Variants in POLD1 observed in about 807,000 individuals in gnomAD.
The protein encoded by POLD1 is DNA polymerase delta catalytic subunit.
In POLD1, 79 loss-of-function variants were observed where a neutral mutation model predicts 129.7. The ratio of observed to expected loss-of-function variants is 0.61; its 90% CI spans 0.51 to 0.73. The LOEUF is 0.73. Ranked by LOEUF, POLD1 falls within the 30% of genes least tolerant of loss-of-function variation. The pLI, the probability that POLD1 is intolerant of heterozygous loss-of-function variation, is 0.00. For missense variants in POLD1, 1,338 were observed against 1,595.8 expected, an observed-to-expected ratio of 0.84 and a Z score of 2.75; for synonymous variants, 714 against 683.3, an observed-to-expected ratio of 1.04 and a Z score of -0.70.
chr19:50,417,628 C>T (rs2039362249), intron 26 of POLD1, among the ~76,000 whole-genome samples: 2 of 151,772 alleles, frequency 1.3e-5, no homozygotes, highest in Admixed American at 1.3e-4. Flanking sequence ...GATATACGGC[C>T]AGCCATGGCC....
intron 3 of POLD1, 25 bp from the exon 4 acceptor site, chr19:50,401,753 G>T (rs149385400): frequency 1.9e-6 from 3 of 1,609,516 alleles, no homozygotes; most frequent in South Asian, 1.1e-5. Context: ...AGGCATGGCC[G>T]CTGTCTTACC....
rs765969481 is a variant in POLD1, at chr19:50,398,940, G to A, written c.89G>A (p.Arg30Gln). 10 of 1,593,008 alleles carry A rather than the reference G, an allele frequency of 6.3e-6. No individual in the cohort carries two copies. Among genetic ancestry groups the A allele is most frequent in the African/African-American group, 5.4e-5 (4 of 74,690 alleles). The change falls in exon 2 of 27, where the codon CGG becomes CAG. Residue 30 changes from arginine to glutamine, a missense_variant. This residue lies in a region of POLD1 where 332 missense variants were observed against 315.7 expected (regional missense o/e 1.05). Coordinates refer to ENST00000440232, the MANE Select transcript of POLD1 (RefSeq NM_002691.4). ...GGLWDDDDAP[R>Q]PSQFEEDLAL... ...CTCTGGGATGATGATGATGCACCTCGGCCATCCCAATTCGAGGAGGACCTG... is the reference window on the plus strand; with the variant it reads ...CTCTGGGATGATGATGATGCACCTCAGCCATCCCAATTCGAGGAGGACCTG...
intron 9 of POLD1, 39 bp from the exon 10 acceptor site, chr19:50,403,454 G>C (rs746647802): frequency 2.0e-6 from 3 of 1,470,540 alleles, no homozygotes; most frequent in Admixed American, 3.4e-5. Flanking sequence ...TCCGAGGCAG[G>C]GCAACCACCA....
chr19:50,415,766 C>T lies in POLD1; in HGVS notation c.2760C>T (p.Asp920=), dbSNP rs1057521209. ...CCGGGAGTGCGCCCAGCCTGGGCGA[C>T]CGCGTCCCCTACGTGATCATCAGTG... ...RDPGSAPSLG[D]RVPYVIISAA... is the part of the protein sequence containing the mutation. The change falls in exon 22 of 27, where the codon GAC becomes GAT. Residue 920 remains aspartate, a synonymous_variant. Transcript: ENST00000440232. 1.3e-6 allele frequency: 2 copies of T among 1,570,956 alleles called. No individual in the cohort carries two copies. Among genetic ancestry groups the T allele is most frequent in the African/African-American group, 1.3e-5 (1 of 74,286 alleles).
At chr19:50,417,787 AGGCTGGGCACTG>A in intron 26 of POLD1, 43 bp from the exon 27 acceptor site, 1 of 1,046,556 alleles carries the variant, frequency 9.6e-7, no homozygotes, top group Non-Finnish European at 1.4e-6. Context: ...CCCCTCTCCC[AGGCTGGGCACTG>A]GGCCTTGGCT....
At position 50,414,974 on chromosome 19, in the gene POLD1, C is replaced by G. The variant is rs760898812; in HGVS notation, c.2548C>G (p.Arg850Gly). The G allele has an allele frequency of 6.3e-7, 1 of 1,589,322 alleles. No homozygotes were observed. Among genetic ancestry groups the G allele is most frequent in the Admixed American group, 1.8e-5 (1 of 57,020 alleles). Residue 850 changes from arginine (R) to glycine (G), a missense_variant, in exon 20 of 27, where the codon CGC becomes GGC. Around this residue, in one of 3 missense-constraint regions of POLD1, gnomAD observed 720 missense variants for 1,002.6 expected, o/e 0.72. Transcript: ENST00000440232. ...VANLVTASLR[R>G]LLIDRDPEGA... The stretch of plus-strand genomic sequence containing the variant: ...CAACCTGGTCACTGCCTCACTGCGC[C>G]GCCTGCTCATCGACCGGTGTGTGGG...
intron 1 of POLD1, among the ~76,000 whole-genome samples, chr19:50,389,080 C>G (rs2038064482): frequency 6.6e-6 from 1 of 151,370 alleles, no homozygotes. Context: ...ATCTACGTGC[C>G]TCTGCCTCCC....
chr19:50,407,539 ATTT>A (rs1568628750), intron 14 of POLD1, 124 bp downstream of exon 14: 1 of 429,352 alleles, frequency 2.3e-6, no homozygotes, highest in South Asian at 1.0e-4. Context: ...GCTCCACAAA[ATTT>A]TTTTATTTTT....
chr19:50,410,469 C>T (rs1332926862), intron 17 of POLD1, among the ~76,000 whole-genome samples: 1 of 152,080 alleles, frequency 6.6e-6, no homozygotes, highest in Non-Finnish European at 1.5e-5. Context: ...TTGCACACAC[C>T]CACCCACCCG....
chr19:50,413,394 G>A (rs2039155355), intron 17 of POLD1, 32 bp from the exon 18 acceptor site: 2 of 1,591,304 alleles, frequency 1.3e-6, no homozygotes, highest in Non-Finnish European at 1.7e-6. Flanking sequence ...TGGCCCCCAG[G>A]GCTTCACTCC....
intron 1 of POLD1, among the ~76,000 whole-genome samples, chr19:50,388,316 A>G (rs184591038): frequency 6.0e-4 from 91 of 152,358 alleles, no homozygotes; most frequent in African/African-American, 2.0e-3. Flanking sequence ...GGTGAATTGT[A>G]TAGTATGTGA....
At chr19:50,408,971 T>TG in intron 15 of POLD1, 70 bp downstream of exon 15, 4 of 1,489,922 alleles carry the variant, frequency 2.7e-6, no homozygotes, top group Non-Finnish European at 3.7e-6. Flanking sequence ...CTCAGTCTGG[T>TG]GGGGGGCATA....
At chr19:50,416,787 C>T (rs2039314268) in intron 24 of POLD1, 64 bp downstream of exon 24, 1 of 1,293,054 alleles carries the variant, frequency 7.7e-7, no homozygotes, top group Non-Finnish European at 1.1e-6. Context: ...ACCCCAGATC[C>T]TAGACACCCA....
chr19:50,388,559 T>C (rs1390637416), intron 1 of POLD1, among the ~76,000 whole-genome samples: 2 of 152,242 alleles, frequency 1.3e-5, no homozygotes, highest in Non-Finnish European at 2.9e-5. Context: ...CTGCCCACCT[T>C]GTAAATTTGT....
In POLD1 at chr19:50,408,683, A is replaced by G. The variant is rs551324166; in HGVS notation, c.1776-102A>G. 16 of 1,521,178 alleles carry G rather than the reference A, an allele frequency of 1.1e-5. No homozygotes were observed. The African/African-American group carries it at 1.9e-4, about 18-fold the overall frequency. The allele number at this position is 1,521,178 out of a possible 1,614,324, so 94.2% of individuals were successfully genotyped here. A position where few individuals can be genotyped will look rare whatever the true frequency, so the allele number is the denominator to read the frequency against. The stretch of plus-strand genomic sequence containing the variant: ...CAGGAGCGAGCACTGCTCCCAGCCA[A>G]TGAATGATTTTTTTTTTTTAAAGGG... On this transcript the variant is annotated intron_variant, in intron 14 of 26. Transcript: ENST00000440232.
rs62113956 is a variant in POLD1 at position 50,409,230 on chromosome 19, G to A, written c.2001G>A (p.Arg667=). The part of the protein sequence containing the change: ...PQILENLLSA[R]KRAKAELAKE... ...TCCTGGAGAACCTGCTCAGTGCCCGGAAGAGGTGAGCCCTGGAGATCGCCT... is the reference window on the plus strand; with the variant it reads ...TCCTGGAGAACCTGCTCAGTGCCCGAAAGAGGTGAGCCCTGGAGATCGCCT... Residue 667 remains arginine (R), a synonymous_variant, in exon 16 of 27, where the codon CGG becomes CGA. Coordinates refer to ENST00000440232, the MANE Select transcript of POLD1 (RefSeq NM_002691.4). The surrounding 1 kb of genome is among the most constrained non-coding windows in gnomAD (Gnocchi z 5.8). 13 of 1,601,042 alleles carry A rather than the reference G, an allele frequency of 8.1e-6. No individual in the cohort carries two copies. Among genetic ancestry groups the A allele is most frequent in the Non-Finnish European group, 1.1e-5 (13 of 1,168,400 alleles).
In POLD1 at chr19:50,396,084, T is replaced by G. The variant is rs541048455; in HGVS notation, c.-1-2767T>G. On this transcript the variant is annotated intron_variant, in intron 1 of 26. Coordinates refer to ENST00000440232, the MANE Select transcript of POLD1 (RefSeq NM_002691.4). ...TTTTAATTGTTGTTGTTGGTGGTGG[T>G]TTTTTTTTGTTTTTTTTTTTGAGAC... Among the ~76,000 whole-genome samples, 396 of 137,764 alleles carry G rather than the reference T, an allele frequency of 2.9e-3. 3 individuals carry two copies. Among genetic ancestry groups the G allele is most frequent in the Non-Finnish European group, 3.9e-3 (259 of 66,180 alleles). The allele number at this position is 137,764 out of a possible 152,430, so 90.4% of individuals were successfully genotyped here.
intron 9 of POLD1, 105 bp downstream of exon 9, chr19:50,403,324 G>T (rs1326213470): frequency 2.4e-6 from 3 of 1,273,536 alleles, no homozygotes; most frequent in Non-Finnish European, 3.3e-6. Context: ...CTGTGGGTCT[G>T]GGTGGGTGTC....
chr19:50,413,237 T>C (rs2039148624), intron 17 of POLD1, among the ~76,000 whole-genome samples, 189 bp from the exon 18 acceptor site: 1 of 152,204 alleles, frequency 6.6e-6, no homozygotes, highest in South Asian at 2.1e-4. Flanking sequence ...TCTTTCCACC[T>C]GACCATTGAG....
Sources: allele counts gnomAD v4.1 joint callset (sites outside exome capture counted in the v4.1 genomes callset), GRCh38; gene constraint gnomAD v4.1.1; regional missense constraint gnomAD v4.1.1; non-coding constraint Gnocchi (gnomAD v3.1); transcripts MANE v1.5; gene names NCBI Gene and HGNC (gene_info 2026-07-23, HGNC 2026-07-21).